Variants in SEMA3A observed in about 807,000 individuals in gnomAD.
The protein encoded by SEMA3A is semaphorin-3A.
Under a neutral mutation model 97.9 loss-of-function variants are expected in SEMA3A, and 29 were observed. The observed-to-expected ratio is 0.30, with a 90% CI of 0.22 to 0.40. The LOEUF (loss-of-function observed/expected upper bound fraction) is 0.40. Ranked by LOEUF, SEMA3A falls within the 10% of genes least tolerant of loss-of-function variation. SEMA3A has a pLI of 1.00. For missense variants in SEMA3A, 763 were observed against 951.3 expected (o/e 0.80, Z 2.60); for synonymous variants, 321 against 323.7 (o/e 0.99, Z 0.09).
chr7:84,263,682 T>C (rs958445644), intron 3 of SEMA3A, among the ~76,000 whole-genome samples: 2 of 152,214 alleles, frequency 1.3e-5, no homozygotes, highest in Non-Finnish European at 2.9e-5. Context: ...TTAATAGTTA[T>C]CTCTGAAAAT....
chr7:84,284,628 A>G (rs979921660), intron 3 of SEMA3A, among the ~76,000 whole-genome samples: 5 of 152,182 alleles, frequency 3.3e-5, no homozygotes, highest in African/African-American at 1.2e-4. Context: ...TGTAAAGAGT[A>G]TTAGCACTTT....
At chr7:84,188,267 A>G (rs1295740390) in intron 1 of SEMA3A, among the ~76,000 whole-genome samples, 2 of 152,128 alleles carry the variant, frequency 1.3e-5, no homozygotes, top group African/African-American at 4.8e-5. Flanking sequence ...TCATTCCCCA[A>G]TTCAAGTATA....
chr7:84,386,997 C>T (rs1002539470), intron 1 of SEMA3A, among the ~76,000 whole-genome samples: 2 of 129,448 alleles, frequency 1.5e-5, no homozygotes, highest in Admixed American at 8.3e-5. Flanking sequence ...AATGCTCCGT[C>T]TCAAAAAAAG....
intron 5 of SEMA3A, among the ~76,000 whole-genome samples, chr7:84,053,228 A>C (rs12505456): frequency 0.38 from 27,748 of 73,300 alleles, 7,455 homozygotes; most frequent in East Asian, 0.66. Context: ...TCTATTAGGT[A>C]CGCTTGGCGC....
At chr7:84,322,112 C>T (rs1562902947) in intron 2 of SEMA3A, among the ~76,000 whole-genome samples, 1 of 151,310 alleles carries the variant, frequency 6.6e-6, no homozygotes, top group Non-Finnish European at 1.5e-5. Context: ...CATGAGAACT[C>T]ACTCACCATC....
chr7:84,010,227 G>A (rs1790825438), intron 9 of SEMA3A, among the ~76,000 whole-genome samples: 1 of 152,124 alleles, frequency 6.6e-6, no homozygotes, highest in African/African-American at 2.4e-5. Context: ...ACTATGTAAA[G>A]TGTCTTCAAT....
chr7:84,180,439 G>A (rs1010144729), intron 1 of SEMA3A, among the ~76,000 whole-genome samples: 15 of 152,072 alleles, frequency 9.9e-5, no homozygotes, highest in African/African-American at 3.6e-4. Flanking sequence ...AGTAATCCCA[G>A]CACTTTGGGA....
At chr7:84,251,164 C>A (rs2115612916) in intron 3 of SEMA3A, among the ~76,000 whole-genome samples, 1 of 152,226 alleles carries the variant, frequency 6.6e-6, no homozygotes, top group South Asian at 2.1e-4. Context: ...TTTAATGACA[C>A]CATTAATTTC....
chr7:84,359,153 T>C (rs570397509), intron 2 of SEMA3A, among the ~76,000 whole-genome samples: 24 of 152,282 alleles, frequency 1.6e-4, no homozygotes, highest in Non-Finnish European at 3.5e-4. Flanking sequence ...CTGATTGCCC[T>C]GGCCAGAACT....
In SEMA3A at chr7:84,178,046, G is replaced by A. The variant is rs561402610; in HGVS notation, c.112+16429C>T. ...GTAATTCATCAAATGTAGCCACACT[G>A]AATGAAATTATTTATTCAACTGAAT... On this transcript the variant is annotated intron_variant, in intron 1 of 16. Coordinates refer to ENST00000265362, the MANE Select transcript of SEMA3A (RefSeq NM_006080.3). Among the ~76,000 whole-genome samples, 9 of 152,170 alleles carry A rather than the reference G, an allele frequency of 5.9e-5. No homozygotes were observed. The East Asian group carries it at 1.5e-3, about 26-fold the overall frequency.
intron 1 of SEMA3A, among the ~76,000 whole-genome samples, chr7:84,177,563 C>A (rs1797608118): frequency 6.6e-6 from 1 of 151,946 alleles, no homozygotes. Flanking sequence ...TTGTTCCATG[C>A]ATATTTATTA....
intron 12 of SEMA3A, among the ~76,000 whole-genome samples, chr7:83,997,038 A>G (rs1373221142): frequency 2.0e-5 from 3 of 152,214 alleles, no homozygotes; most frequent in Non-Finnish European, 4.4e-5. Flanking sequence ...TTCTTATGAA[A>G]CCAACCTCAA....
At chr7:84,123,016 T>G (rs577541190) in intron 3 of SEMA3A, among the ~76,000 whole-genome samples, 3 of 152,306 alleles carry the variant, frequency 2.0e-5, no homozygotes, top group Admixed American at 1.3e-4. Flanking sequence ...AAATTTTGAT[T>G]TCCAATGATG....
chr7:84,425,727 C>T (rs1804803077), intron 1 of SEMA3A, among the ~76,000 whole-genome samples: 1 of 149,100 alleles, frequency 6.7e-6, no homozygotes, highest in Admixed American at 6.8e-5. Context: ...AATCCCAGCA[C>T]TTTGGGAGTC....
At chr7:84,437,047 A>G (rs1395171516) in intron 1 of SEMA3A, among the ~76,000 whole-genome samples, 1 of 152,068 alleles carries the variant, frequency 6.6e-6, no homozygotes, top group Non-Finnish European at 1.5e-5. Context: ...AGGGACTGCC[A>G]CCTAAAACAG....
chr7:84,324,084 A>G (rs994948544), intron 2 of SEMA3A, among the ~76,000 whole-genome samples: 3 of 152,206 alleles, frequency 2.0e-5, no homozygotes, highest in Non-Finnish European at 2.9e-5. Flanking sequence ...AAATAAATAA[A>G]ATTATCTGAA....
At chr7:84,185,882 T>G (rs892312386) in intron 1 of SEMA3A, among the ~76,000 whole-genome samples, 15 of 152,086 alleles carry the variant, frequency 9.9e-5, no homozygotes, top group Non-Finnish European at 1.9e-4. Flanking sequence ...TTCTGTATTT[T>G]GTAGATAAAT....
At chr7:84,397,820 T>A (rs1803778047) in intron 1 of SEMA3A, among the ~76,000 whole-genome samples, 1 of 152,248 alleles carries the variant, frequency 6.6e-6, no homozygotes, top group South Asian at 2.1e-4. Context: ...ATATGGACTT[T>A]AGTTTCCTTA....
At chr7:84,474,334 C>T (rs1032508116) in intron 1 of SEMA3A, among the ~76,000 whole-genome samples, 1 of 152,184 alleles carries the variant, frequency 6.6e-6, no homozygotes, top group African/African-American at 2.4e-5. Flanking sequence ...GAGGCTTGTT[C>T]CTAAGACAGG....
Sources: allele counts gnomAD v4.1 joint callset (sites outside exome capture counted in the v4.1 genomes callset), GRCh38; gene constraint gnomAD v4.1.1; transcripts MANE v1.5; gene names NCBI Gene and HGNC (gene_info 2026-07-23, HGNC 2026-07-21).